CDCA7L: variants seen among roughly 807,000 people sequenced by gnomAD.
CDCA7L encodes the protein cell division cycle associated 7 like, also known as cell division cycle-associated 7-like protein.
A neutral mutation model predicts 57.4 loss-of-function variants in CDCA7L; 44 were observed. That is an observed-to-expected ratio of 0.77 (90% CI 0.60 to 0.98). The LOEUF (loss-of-function observed/expected upper bound fraction) is 0.98, where lower values mean the gene tolerates loss of function less well. Among genes scored for constraint, CDCA7L ranks in the 50% least tolerant of loss-of-function variants. The pLI is 0.00. For synonymous variants in CDCA7L, 236 were observed against 202.8 expected, an observed-to-expected ratio of 1.16 and a Z score of -1.39; for missense variants, 644 against 580.6, an observed-to-expected ratio of 1.11 and a Z score of -1.12.
At chr7:21,920,861 G>T (rs1242755120) in intron 1 of CDCA7L, among the ~76,000 whole-genome samples, 1 of 152,182 alleles carries the variant, frequency 6.6e-6, no homozygotes, top group Non-Finnish European at 1.5e-5. Context: ...TAGCCACTGA[G>T]TTCAGTCCCT....
intron 2 of CDCA7L, among the ~76,000 whole-genome samples, chr7:21,914,989 A>T (rs1006107687): frequency 6.6e-6 from 1 of 152,170 alleles, no homozygotes; most frequent in African/African-American, 2.4e-5. Context: ...CTCAAGGTGG[A>T]TCCAACAGGC....
At chr7:21,933,902 G>GA (rs945754840) in intron 1 of CDCA7L, among the ~76,000 whole-genome samples, 52 of 149,876 alleles carry the variant, frequency 3.5e-4, no homozygotes, top group Admixed American at 6.6e-5. Context: ...ATGTAGAAGG[G>GA]AAAAAAACTA....
intron 7 of CDCA7L, among the ~76,000 whole-genome samples, chr7:21,904,628 T>C (rs536138047): frequency 6.6e-6 from 1 of 152,274 alleles, no homozygotes; most frequent in Admixed American, 6.5e-5. Flanking sequence ...TTTATAAGAA[T>C]CTAATGCCCG....
intron 1 of CDCA7L, among the ~76,000 whole-genome samples, chr7:21,937,462 C>T (rs1786204379): frequency 6.6e-6 from 1 of 151,904 alleles, no homozygotes; most frequent in Non-Finnish European, 1.5e-5. Flanking sequence ...TGGTGAAACC[C>T]CATCTCTACT....
rs2128053632 is a variant in CDCA7L at position 21,901,267 on chromosome 7, A to AT, written c.*1054dup. The AT allele has an allele frequency of 6.2e-7, 1 of 1,603,860 alleles. No individual in the cohort carries two copies. Among genetic ancestry groups the AT allele is most frequent in the African/African-American group, 1.3e-5 (1 of 74,832 alleles). ...TCTAGAAGCGTAAGGTAACACTGGC[A>AT]TTCCTCTAGCCTCTGCTGGAGTGCA... On this transcript the variant is annotated 3_prime_UTR_variant, in exon 10 of 10. Coordinates refer to ENST00000406877, the MANE Select transcript of CDCA7L (RefSeq NM_018719.5).
intron 1 of CDCA7L, among the ~76,000 whole-genome samples, chr7:21,944,352 G>A (rs1786439548): frequency 1.4e-5 from 2 of 146,522 alleles, no homozygotes; most frequent in African/African-American, 2.5e-5. Flanking sequence ...TCGGGACGCT[G>A]AGGCAGGAAA....
intron 8 of CDCA7L, 25 bp from the exon 9 acceptor site, chr7:21,903,139 C>G: frequency 6.2e-7 from 1 of 1,605,732 alleles, no homozygotes; most frequent in Non-Finnish European, 8.5e-7. Context: ...ACAGCAGACA[C>G]TTCGCTCATT....
chr7:21,929,207 G>C (rs1046559955), intron 1 of CDCA7L, among the ~76,000 whole-genome samples: 1 of 152,080 alleles, frequency 6.6e-6, no homozygotes, highest in Non-Finnish European at 1.5e-5. Context: ...GCCAAACTAA[G>C]CTTCATAAGT....
chr7:21,943,226 G>A (rs572869409), intron 1 of CDCA7L, among the ~76,000 whole-genome samples: 9 of 152,354 alleles, frequency 5.9e-5, no homozygotes, highest in South Asian at 4.1e-4. Flanking sequence ...TGGGGGAAGC[G>A]TAATCACTGT....
intron 1 of CDCA7L, among the ~76,000 whole-genome samples, chr7:21,935,626 C>T (rs1257674768): frequency 2.0e-5 from 3 of 151,470 alleles, no homozygotes; most frequent in African/African-American, 7.3e-5. Context: ...ATTGGCAAAT[C>T]TTAAGCTACA....
intron 2 of CDCA7L, among the ~76,000 whole-genome samples, chr7:21,913,249 T>G (rs1025670749): frequency 6.6e-6 from 1 of 152,192 alleles, no homozygotes; most frequent in African/African-American, 2.4e-5. Context: ...AAATGTCTCC[T>G]ATGAATTATT....
chr7:21,902,844 C>CAGAA, intron 9 of CDCA7L, 134 bp downstream of exon 9: 1 of 749,426 alleles, frequency 1.3e-6, no homozygotes, highest in Non-Finnish European at 2.2e-6. Flanking sequence ...CAAACAGATA[C>CAGAA]AGAATGGATG....
intron 7 of CDCA7L, 119 bp downstream of exon 7, chr7:21,905,387 A>T (rs1785107030): frequency 8.8e-7 from 1 of 1,140,974 alleles, no homozygotes. Context: ...TCCAATTCAG[A>T]GCCTGGCTCT....
chr7:21,937,187 A>T (rs1006728410), intron 1 of CDCA7L, among the ~76,000 whole-genome samples: 1 of 152,252 alleles, frequency 6.6e-6, no homozygotes, highest in African/African-American at 2.4e-5. Flanking sequence ...ATGGATTGGA[A>T]GGCTTAATAT....
At chr7:21,902,577 T>TATTAGATTCAGAGTTTATTA (rs779266307) in intron 9 of CDCA7L, 1 of 582,500 alleles carries the variant, frequency 1.7e-6, no homozygotes, top group Non-Finnish European at 3.1e-6. Context: ...ATTCAGAGTT[T>TATTAGATTCAGAGTTTATTA]ATTAATTACA....
rs746374294 is a variant in CDCA7L at position 21,908,267 on chromosome 7, T to C, written c.544A>G (p.Arg182Gly). The C allele has an allele frequency of 1.2e-6, 2 of 1,613,618 alleles. No homozygotes were observed. The highest frequency in any genetic ancestry group is 4.5e-5 in the East Asian group (2 of 44,878). Residue 182 changes from arginine to glycine, a missense_variant, in exon 4 of 10, where the codon AGA becomes GGA. Transcript: ENST00000406877. ...LQNEKKTILE[R>G]KKDCRQVIQR... is the part of the protein sequence containing the mutation. Reference sequence around the variant, plus strand: ...ATCACCTGTCTACAGTCTTTCTTTCTTTCAAGAATTGTTTTTTTCTCATTC... The same window carrying C: ...ATCACCTGTCTACAGTCTTTCTTTCCTTCAAGAATTGTTTTTTTCTCATTC...
Position 21,945,766 on chromosome 7 carries a change from C to T in CDCA7L, c.24+15G>A, listed in dbSNP as rs1266559750. 1 of 1,598,420 alleles carries T rather than the reference C, an allele frequency of 6.3e-7. No individual in the cohort carries two copies. Among genetic ancestry groups the T allele is most frequent in the Non-Finnish European group, 8.5e-7 (1 of 1,173,954 alleles). Reference sequence around the variant, plus strand: ...GTGGGTGCGTCCGGACGGCGGCGGGCGGCCGGACCCTCACCTGGTAGCGAG... The same window carrying T: ...GTGGGTGCGTCCGGACGGCGGCGGGTGGCCGGACCCTCACCTGGTAGCGAG... On this transcript the variant is annotated intron_variant, in intron 1 of 9. Transcript: ENST00000406877.
chr7:21,945,680 G>C, intron 1 of CDCA7L, 101 bp downstream of exon 1: 2 of 1,471,398 alleles, frequency 1.4e-6, no homozygotes, highest in Non-Finnish European at 1.9e-6. Flanking sequence ...CAGTGCCGCA[G>C]CCAAGGGCCA....
chr7:21,932,825 T>G (rs987214624), intron 1 of CDCA7L, among the ~76,000 whole-genome samples: 3 of 151,952 alleles, frequency 2.0e-5, no homozygotes, highest in African/African-American at 7.3e-5. Context: ...ACTAAAGAGC[T>G]TCTGCACAGC....
Sources: allele counts gnomAD v4.1 joint callset (sites outside exome capture counted in the v4.1 genomes callset), GRCh38; gene constraint gnomAD v4.1.1; transcripts MANE v1.5; gene names NCBI Gene and HGNC (gene_info 2026-07-23, HGNC 2026-07-21).